The following CLTC variants were observed in gnomAD, a reference collection of about 807,000 sequenced individuals.
CLTC encodes the protein clathrin heavy chain 1.
In CLTC, 16 loss-of-function variants were observed where a neutral mutation model predicts 195.8. The ratio of observed to expected loss-of-function variants is 0.08; its 90% confidence interval spans 0.06 to 0.12. The LOEUF (loss-of-function observed/expected upper bound fraction) is 0.12, where lower values mean the gene tolerates loss of function less well. Ranked by LOEUF, CLTC falls within the 10% of genes least tolerant of loss-of-function variation. The pLI is 1.00. For missense variants in CLTC, 796 were observed against 2,027.0 expected (o/e 0.39, Z 11.66); for synonymous variants, 667 against 689.4 (o/e 0.97, Z 0.51).
At chr17:59,643,676 T>C (rs1031399075) in intron 1 of CLTC, among the ~76,000 whole-genome samples, 2 of 152,228 alleles carry the variant, frequency 1.3e-5, no homozygotes, top group African/African-American at 2.4e-5. Context: ...CTTTACCACA[T>C]GCTCTTTCTG....
chr17:59,665,941 C>A (rs1338867508), intron 10 of CLTC, among the ~76,000 whole-genome samples, 162 bp from the exon 11 acceptor site: 2 of 152,120 alleles, frequency 1.3e-5, no homozygotes, highest in African/African-American at 4.8e-5. Context: ...TTGTTTTTAT[C>A]AGAACTCAAA....
intron 1 of CLTC, among the ~76,000 whole-genome samples, chr17:59,625,440 T>G (rs2031521102): frequency 6.6e-6 from 1 of 152,116 alleles, no homozygotes; most frequent in Admixed American, 6.6e-5. Context: ...TATTTTGTAC[T>G]TAGAGCATAT....
chr17:59,682,310 G>A lies in CLTC; in HGVS notation c.3482G>A (p.Arg1161His), dbSNP rs1451355390. The change falls in exon 22 of 32, where the codon CGT becomes CAT. Residue 1161 changes from arginine (R) to histidine (H), a missense_variant. Arg to His is a conservative substitution (Grantham distance 29). Around this residue, in one of 9 missense-constraint regions of CLTC, gnomAD observed 50 missense variants for 77.2 expected, o/e 0.65. Coordinates refer to ENST00000269122, the MANE Select transcript of CLTC (RefSeq NM_004859.4). This position sits in a 1 kb window ranked among gnomAD's most constrained non-coding sequence, Gnocchi z 6.8. ...CTGGTGAAGTACTTGCAGATGGCCC[G>A]TAAGAAGGCTCGAGAGTCCTATGTG... ...EELVKYLQMA[R>H]KKARESYVET... The A allele has an allele frequency of 1.9e-6, 3 of 1,614,020 alleles. No individual in the cohort carries two copies. Among genetic ancestry groups the A allele is most frequent in the Admixed American group, 1.7e-5 (1 of 60,018 alleles).
In CLTC at chr17:59,681,836, A is replaced by T; in HGVS notation, c.3439A>T (p.Ser1147Cys). ...YMEVVQAANT[S>C]GNWEELVKYL... ...GGAAGTTGTTCAGGCTGCCAATACT[A>T]GTGGTATGACTTCTTACCTTATGTA... The change falls in exon 21 of 32, where the codon AGT (serine) becomes TGT (cysteine). Residue 1147 changes from serine (S) to cysteine (C), a missense_variant. Ser to Cys is a moderately radical substitution (Grantham distance 112, BLOSUM62 -1). This residue lies in a region of CLTC where 50 missense variants were observed against 77.2 expected (regional missense o/e 0.65). Transcript: ENST00000269122. This position sits in a 1 kb window ranked among gnomAD's most constrained non-coding sequence, Gnocchi z 5.0. 3 of 1,610,712 alleles carry T rather than the reference A, an allele frequency of 1.9e-6. No individual in the cohort carries two copies. Among genetic ancestry groups the T allele is most frequent in the Non-Finnish European group, 2.5e-6 (3 of 1,177,714 alleles).
chr17:59,620,003 C>T lies in CLTC; in HGVS notation c.-129C>T. ...CTTTCGTCTGCCTGCCAGTTTCCTG[C>T]GTCCCCGGAGAGGATCCTGCTGAGC... On this transcript the variant is annotated 5_prime_UTR_variant, in exon 1 of 32. Coordinates refer to ENST00000269122, the MANE Select transcript of CLTC (RefSeq NM_004859.4). 2 of 752,208 alleles carry T rather than the reference C, an allele frequency of 2.7e-6. No individual in the cohort carries two copies. The highest frequency in any genetic ancestry group is 2.8e-5 in the East Asian group (1 of 36,210). 46.6% of individuals were successfully genotyped at this position (752,208 alleles called of 1,614,324 possible). A position where few individuals can be genotyped will look rare whatever the true frequency, so the allele number is the denominator to read the frequency against.
intron 30 of CLTC, chr17:59,689,831 T>C (rs934475615): frequency 3.9e-5 from 6 of 152,152 alleles, no homozygotes; most frequent in African/African-American, 1.4e-4. Flanking sequence ...GAAAGGAAAT[T>C]TGAGGGCCAG....
At position 59,648,674 on chromosome 17, in the gene CLTC, G is replaced by T; in HGVS notation, c.681+273G>T. The T allele has an allele frequency of 7.0e-6, 2 of 284,430 alleles. No homozygotes were observed. Among genetic ancestry groups the T allele is most frequent in the South Asian group, 7.7e-5 (1 of 13,034 alleles). 17.6% of individuals were successfully genotyped at this position (284,430 alleles called of 1,614,324 possible). ...ACATCTAGAGAGTTTGATTTAGTAG[G>T]TGTTGCCTATAATTTTTTTTGTTTA... is the stretch of plus-strand genomic sequence containing the variant. On this transcript the variant is annotated intron_variant, in intron 4 of 31. Coordinates refer to ENST00000269122, the MANE Select transcript of CLTC (RefSeq NM_004859.4). The surrounding 1 kb of genome is among the most constrained non-coding windows in gnomAD (Gnocchi z 4.5).
In CLTC at chr17:59,648,096, C is replaced by T; in HGVS notation, c.520-144C>T. 1.3e-6 allele frequency: 1 copy of T among 771,294 alleles called. No homozygotes were observed. The highest frequency in any genetic ancestry group is 2.0e-6 in the Non-Finnish European group (1 of 496,978). 47.8% of individuals were successfully genotyped at this position (771,294 alleles called of 1,614,324 possible). On this transcript the variant is annotated intron_variant, in intron 3 of 31. Transcript: ENST00000269122. This position sits in a 1 kb window ranked among gnomAD's most constrained non-coding sequence, Gnocchi z 4.5. ...GGGCTGATTTTAAGTTAAGAAGTAT[C>T]AAATCTACAGTGAGAGATGAAGTGA...
chr17:59,686,090 G>A (rs1209600414), intron 30 of CLTC, among the ~76,000 whole-genome samples: 1 of 151,906 alleles, frequency 6.6e-6, no homozygotes, highest in Non-Finnish European at 1.5e-5. Context: ...TTTCAAAATA[G>A]TATTTTTCTC....
In CLTC at chr17:59,681,603, G is replaced by C. The variant is rs559075940; in HGVS notation, c.3250-44G>C. 1 of 1,584,960 alleles carries C rather than the reference G, an allele frequency of 6.3e-7. No individual in the cohort carries two copies. Among genetic ancestry groups the C allele is most frequent in the East Asian group, 2.2e-5 (1 of 44,554 alleles). ...AGCTTAAATGTAATTGCTTTGGGTA[G>C]GATTGATTTTACTCTAACCCTAATT... is the stretch of plus-strand genomic sequence containing the variant. On this transcript the variant is annotated intron_variant, in intron 20 of 31. Coordinates refer to ENST00000269122, the MANE Select transcript of CLTC (RefSeq NM_004859.4). This position sits in a 1 kb window ranked among gnomAD's most constrained non-coding sequence, Gnocchi z 5.0.
chr17:59,630,254 G>A (rs570449045), intron 1 of CLTC, among the ~76,000 whole-genome samples: 83 of 152,152 alleles, frequency 5.5e-4, no homozygotes, highest in African/African-American at 1.9e-3. Context: ...TGCCTGCCTC[G>A]GCCTCCCAAA....
chr17:59,690,736 A>C (rs138404721), intron 31 of CLTC, 25 bp downstream of exon 31: 14 of 1,535,514 alleles, frequency 9.1e-6, no homozygotes, highest in Middle Eastern at 3.4e-4. Context: ...TAACCTCAAA[A>C]AATTCATTAG....
chr17:59,676,986 G>C lies in CLTC; in HGVS notation c.2594G>C (p.Arg865Thr). 3 of 1,614,078 alleles carry C rather than the reference G, an allele frequency of 1.9e-6. No homozygotes were observed. Among genetic ancestry groups the C allele is most frequent in the Non-Finnish European group, 2.5e-6 (3 of 1,180,002 alleles). The stretch of plus-strand genomic sequence containing the variant: ...CTGCTTCTGCCTTGGCTAGAGGCCA[G>C]AATTCATGAGGGCTGTGAGGAGCCT... ...LKLLLPWLEA[R>T]IHEGCEEPAT... The change falls in exon 17 of 32, where the codon AGA becomes ACA. Residue 865 changes from arginine (R) to threonine (T), a missense_variant. Arg to Thr is a moderately conservative substitution (Grantham distance 71, BLOSUM62 -1). Coordinates refer to ENST00000269122, the MANE Select transcript of CLTC (RefSeq NM_004859.4).
At position 59,655,898 on chromosome 17, in the gene CLTC, T is replaced by C; in HGVS notation, c.840T>C (p.Gly280=). 6.2e-7 allele frequency: 1 copy of C among 1,609,070 alleles called. No individual in the cohort carries two copies. Among genetic ancestry groups the C allele is most frequent in the Non-Finnish European group, 8.5e-7 (1 of 1,178,606 alleles). Residue 280 remains glycine (G), a synonymous_variant, in exon 6 of 32, where the codon GGT becomes GGC. Transcript: ENST00000269122. Reference sequence around the variant, plus strand: ...TGGTGTTCTTGATAACCAAGTATGGTTATATCCACCTCTATGATCTTGAGA... The same window carrying C: ...TGGTGTTCTTGATAACCAAGTATGGCTATATCCACCTCTATGATCTTGAGA... The part of the protein sequence containing the change: ...HDVVFLITKY[G]YIHLYDLETG...
In CLTC at chr17:59,685,293, ATCTAT is replaced by A. The variant is rs547273785; in HGVS notation, c.4605+68_4605+72del. 1.7e-5 allele frequency: 24 copies of A among 1,405,360 alleles called. No homozygotes were observed. The highest frequency in any genetic ancestry group is 2.3e-5 in the Non-Finnish European group (24 of 1,043,970). 87.1% of individuals were successfully genotyped at this position (1,405,360 alleles called of 1,614,324 possible). A position where few individuals can be genotyped will look rare whatever the true frequency, so the allele number is the denominator to read the frequency against. ...TAAAATGGTGTTACAAGTGATTATA[ATCTAT>A]AAATAAAAGTATTGGTTTTGTGAAT... On this transcript the variant is annotated intron_variant, in intron 29 of 31. Coordinates refer to ENST00000269122, the MANE Select transcript of CLTC (RefSeq NM_004859.4). The surrounding 1 kb of genome is among the most constrained non-coding windows in gnomAD (Gnocchi z 5.0).
At chr17:59,625,719 TAA>T (rs1388740360) in intron 1 of CLTC, among the ~76,000 whole-genome samples, 1 of 152,202 alleles carries the variant, frequency 6.6e-6, no homozygotes, top group Non-Finnish European at 1.5e-5. Flanking sequence ...CAAACATACT[TAA>T]GTTTTCCAGT....
chr17:59,627,907 G>A (rs1448551133), intron 1 of CLTC, among the ~76,000 whole-genome samples: 1 of 152,314 alleles, frequency 6.6e-6, no homozygotes, highest in Non-Finnish European at 1.5e-5. Context: ...TCATGTTTTT[G>A]TGTTTATGCC....
At position 59,666,991 on chromosome 17, in the gene CLTC, T is replaced by C; in HGVS notation, c.2128+14T>C. 2 of 1,598,280 alleles carry C rather than the reference T, an allele frequency of 1.3e-6. No homozygotes were observed. Among genetic ancestry groups the C allele is most frequent in the South Asian group, 1.1e-5 (1 of 89,158 alleles). On this transcript the variant is annotated intron_variant, in intron 13 of 31. Coordinates refer to ENST00000269122, the MANE Select transcript of CLTC (RefSeq NM_004859.4). This position sits in a 1 kb window ranked among gnomAD's most constrained non-coding sequence, Gnocchi z 4.9. ...AGAGTTTTGAAGGTAATTAGGAGTT[T>C]TTGAGTTTTTAAAAAAAGTACTTAA...
intron 1 of CLTC, among the ~76,000 whole-genome samples, chr17:59,623,410 G>A (rs1381783739): frequency 6.6e-6 from 1 of 152,136 alleles, no homozygotes; most frequent in Non-Finnish European, 1.5e-5. Context: ...TTTCTTGATG[G>A]TCAGTTTACC....
Sources: gnomAD v4.1 joint callset for allele counts (sites outside exome capture counted in the v4.1 genomes callset) on GRCh38, gnomAD v4.1.1 for gene constraint, gnomAD v4.1.1 regional missense constraint, Gnocchi (gnomAD v3.1) non-coding constraint, MANE v1.5 for transcripts, NCBI Gene and HGNC (gene_info 2026-07-23, HGNC 2026-07-21) for gene names.